The following CEP128 variants were observed in gnomAD, a reference collection of about 807,000 sequenced individuals.
CEP128 encodes centrosomal protein 128, also known as centrosomal protein 128kDa.
A neutral mutation model predicts 156.7 loss-of-function variants in CEP128; 132 were observed. The observed-to-expected ratio is 0.84, with a 90% CI of 0.73 to 0.97. The LOEUF (loss-of-function observed/expected upper bound fraction) is 0.97, where lower values mean the gene tolerates loss of function less well. CEP128 is among the 50% of genes least tolerant of loss of function. The pLI, the probability that CEP128 is intolerant of heterozygous loss-of-function variation, is 0.00. For synonymous variants in CEP128, 469 were observed against 448.9 expected (o/e 1.04, Z -0.57); for missense variants, 1,252 against 1,281.9 (o/e 0.98, Z 0.36).
intron 17 of CEP128, 56 bp downstream of exon 17, chr14:80,761,381 A>G: frequency 8.0e-7 from 1 of 1,257,440 alleles, no homozygotes; most frequent in Non-Finnish European, 1.1e-6. Context: ...TCCTATTACA[A>G]TTATATATTA....
chr14:80,670,202 T>C (rs891073528), intron 19 of CEP128, among the ~76,000 whole-genome samples: 3 of 152,182 alleles, frequency 2.0e-5, no homozygotes, highest in Admixed American at 2.0e-4. Flanking sequence ...CATTTCAACA[T>C]GAGATTTAAG....
intron 19 of CEP128, among the ~76,000 whole-genome samples, chr14:80,699,884 C>T (rs1208646785): frequency 6.6e-6 from 1 of 152,098 alleles, no homozygotes; most frequent in Non-Finnish European, 1.5e-5. Context: ...AAGCAGGGTG[C>T]TAACTTATGC....
In CEP128 at chr14:80,831,887, C is replaced by T. The variant is rs372726324; in HGVS notation, c.1058-593G>A. Among the ~76,000 whole-genome samples, 186 of 152,306 alleles carry T rather than the reference C, an allele frequency of 1.2e-3. 4 individuals are homozygous for T. In the South Asian group the frequency reaches 0.037, roughly 31 times the overall value. On this transcript the variant is annotated intron_variant, in intron 12 of 24. Coordinates refer to ENST00000555265, the MANE Select transcript of CEP128 (RefSeq NM_152446.5). ...TCTAATATAAGGACAAATAACAAAA[C>T]TTCATCCTCAATGAGCTTACATCCT...
At chr14:80,935,646 C>CAAA (rs375122664) in intron 2 of CEP128, among the ~76,000 whole-genome samples, 1,975 of 51,582 alleles carry the variant, frequency 0.038, 563 homozygotes, top group African/African-American at 0.13. Flanking sequence ...GTCCCCCCAC[C>CAAA]AAAAAAAAAA....
chr14:80,835,048 G>A (rs7148618), intron 12 of CEP128, among the ~76,000 whole-genome samples: 47,651 of 151,888 alleles, frequency 0.31, 8,608 homozygotes, highest in Non-Finnish European at 0.4. Context: ...CTCTCCTGAG[G>A]CTGGACTGGT....
At position 80,590,921 on chromosome 14, in the gene CEP128, A is replaced by C. The variant is rs148228805; in HGVS notation, c.2807-10498T>G. On this transcript the variant is annotated intron_variant, in intron 19 of 24. Coordinates refer to ENST00000555265, the MANE Select transcript of CEP128 (RefSeq NM_152446.5). ...CCAGCCAAACTAAGCTTCATAACTG[A>C]AGGAGAAATAAAATCCTTTACAGAC... 4.9e-3 allele frequency among the ~76,000 whole-genome samples: 754 copies of C among 152,338 alleles called. 8 individuals are homozygous for C. The highest frequency in any genetic ancestry group is 0.017 in the African/African-American group (724 of 41,584).
At chr14:80,641,510 C>G (rs1472113720) in intron 19 of CEP128, among the ~76,000 whole-genome samples, 1 of 152,178 alleles carries the variant, frequency 6.6e-6, no homozygotes, top group Non-Finnish European at 1.5e-5. Flanking sequence ...AGGTGCAGAA[C>G]CTGTCTTTGC....
chr14:80,721,530 A>C (rs2061169948), intron 19 of CEP128, among the ~76,000 whole-genome samples: 1 of 152,226 alleles, frequency 6.6e-6, no homozygotes, highest in Admixed American at 6.5e-5. Flanking sequence ...TGTTGAAGTG[A>C]TCATATTTAG....
At chr14:80,514,474 T>A (rs1376288471) in intron 23 of CEP128, among the ~76,000 whole-genome samples, 1 of 152,226 alleles carries the variant, frequency 6.6e-6, no homozygotes, top group Non-Finnish European at 1.5e-5. Context: ...CCACTAATTG[T>A]ATCTTCTGCT....
rs553241652 is a variant in CEP128 at position 80,560,026 on chromosome 14, TAA to T, written c.2857-726_2857-725del. 2.7e-4 allele frequency among the ~76,000 whole-genome samples: 41 copies of T among 152,296 alleles called. No individual in the cohort carries two copies. In the East Asian group the frequency reaches 7.7e-3, roughly 29 times the overall value. On this transcript the variant is annotated intron_variant, in intron 20 of 24. Transcript: ENST00000555265. Reference sequence around the variant, plus strand: ...CTATAAACAGGAAGTCTTCACCAAATAAAGACTGACTCTGAGACAAAGCAGAG... The same window carrying T: ...CTATAAACAGGAAGTCTTCACCAAATAGACTGACTCTGAGACAAAGCAGAG...
intron 14 of CEP128, among the ~76,000 whole-genome samples, chr14:80,792,016 A>C (rs1901733384): frequency 6.6e-6 from 1 of 152,232 alleles, no homozygotes; most frequent in Non-Finnish European, 1.5e-5. Flanking sequence ...ATGGATAAAA[A>C]AATCAATCAC....
intron 19 of CEP128, among the ~76,000 whole-genome samples, chr14:80,683,128 T>C (rs1896387713): frequency 6.6e-6 from 1 of 152,010 alleles, no homozygotes; most frequent in Non-Finnish European, 1.5e-5. Flanking sequence ...CAAATATCAA[T>C]ATTAACCTTG....
chr14:80,748,814 C>T (rs557452074), intron 18 of CEP128, among the ~76,000 whole-genome samples: 9 of 152,146 alleles, frequency 5.9e-5, no homozygotes, highest in African/African-American at 1.9e-4. Flanking sequence ...CGACTCAAGC[C>T]ACAGTAAAAT....
chr14:80,633,267 A>C (rs1195922095), intron 19 of CEP128, among the ~76,000 whole-genome samples: 1 of 152,012 alleles, frequency 6.6e-6, no homozygotes, highest in Non-Finnish European at 1.5e-5. Flanking sequence ...AACAAAACAA[A>C]CTAGCTTCTT....
chr14:80,573,720 T>C (rs894358403), intron 20 of CEP128, among the ~76,000 whole-genome samples: 5 of 152,200 alleles, frequency 3.3e-5, no homozygotes, highest in African/African-American at 1.2e-4. Flanking sequence ...GCTGAGAACC[T>C]GTTTGACCCC....
In CEP128 at chr14:80,958,657, A is replaced by G. The variant is rs375024692; in HGVS notation, c.-279-372T>C. Among the ~76,000 whole-genome samples, 152 of 152,164 alleles carry G rather than the reference A, an allele frequency of 1.0e-3. 2 individuals are homozygous for G. The South Asian group carries it at 0.03, about 30-fold the overall frequency. On this transcript the variant is annotated intron_variant, in intron 1 of 7. Coordinates refer to the CEP128 transcript ENST00000555529. ...AGTCTTTCTTGACAAGAAAATCTAG[A>G]TCTTTTTTTACATCTTTCTAGACAA... is the stretch of plus-strand genomic sequence containing the variant.
At chr14:80,705,949 A>G (rs1250471492) in intron 19 of CEP128, among the ~76,000 whole-genome samples, 2 of 152,180 alleles carry the variant, frequency 1.3e-5, no homozygotes, top group Non-Finnish European at 2.9e-5. Context: ...TTTGGTAACA[A>G]TAATGACAGG....
intron 19 of CEP128, among the ~76,000 whole-genome samples, chr14:80,659,602 T>G (rs1261797840): frequency 6.6e-6 from 1 of 152,158 alleles, no homozygotes; most frequent in Non-Finnish European, 1.5e-5. Flanking sequence ...AAGTTTGAAG[T>G]TATTACACCA....
chr14:80,480,728 T>TC, intron 14 of CEP128, among the ~76,000 whole-genome samples: 2 of 152,334 alleles, frequency 1.3e-5, no homozygotes, highest in Admixed American at 1.3e-4. Flanking sequence ...CCAAGTCACC[T>TC]CTTGAATGCT....
Sources: allele counts gnomAD v4.1 joint callset (sites outside exome capture counted in the v4.1 genomes callset), GRCh38; gene constraint gnomAD v4.1.1; transcripts MANE v1.5; gene names NCBI Gene and HGNC (gene_info 2026-07-23, HGNC 2026-07-21).